The following RBFOX1 variants were observed in gnomAD, a reference collection of about 807,000 sequenced individuals.
RBFOX1 encodes RNA binding fox-1 homolog 1.
A neutral mutation model predicts 57.7 loss-of-function variants in RBFOX1; 8 were observed. The observed-to-expected ratio is 0.14, with a 90% CI of 0.08 to 0.25. RBFOX1 has a LOEUF of 0.25. RBFOX1 is among the 10% of genes least tolerant of loss of function. RBFOX1 has a pLI of 1.00. For missense variants in RBFOX1, 611 were observed against 548.5 expected, an observed-to-expected ratio of 1.11 and a Z score of -1.14; for synonymous variants, 326 against 222.4, an observed-to-expected ratio of 1.47 and a Z score of -4.15.
intron 4 of RBFOX1, among the ~76,000 whole-genome samples, chr16:5,869,733 C>G (rs915178242): frequency 6.6e-6 from 1 of 152,068 alleles, no homozygotes; most frequent in Non-Finnish European, 1.5e-5. Context: ...CCTCATTTTA[C>G]CTGTTGAAAA....
At chr16:7,388,715 A>G (rs2097928817) in intron 4 of RBFOX1, among the ~76,000 whole-genome samples, 1 of 119,114 alleles carries the variant, frequency 8.4e-6, no homozygotes, top group Non-Finnish European at 1.6e-5. Flanking sequence ...CACATTTGGT[A>G]TGGTATTCAA....
intron 2 of RBFOX1, among the ~76,000 whole-genome samples, chr16:5,547,716 A>G (rs1468747699): frequency 6.6e-6 from 1 of 152,190 alleles, no homozygotes; most frequent in African/African-American, 2.4e-5. Flanking sequence ...ACACAGCCGT[A>G]TCAAAGCACA....
chr16:7,343,094 C>T (rs1356164936), intron 4 of RBFOX1, among the ~76,000 whole-genome samples: 1 of 152,118 alleles, frequency 6.6e-6, no homozygotes, highest in Non-Finnish European at 1.5e-5. Context: ...CTTCTGGGGA[C>T]AGACTCTTTA....
rs1368082847 is a variant in RBFOX1, at chr16:6,110,346, G to A, written c.-127+90354G>A. Among the ~76,000 whole-genome samples the A allele has an allele frequency of 4.0e-5, 6 of 151,888 alleles. No homozygotes were observed. The East Asian group carries it at 1.2e-3, about 29-fold the overall frequency. On this transcript the variant is annotated intron_variant, in intron 1 of 15. Transcript: ENST00000550418. ...GGAAATTGATGATTGCTAGAGAATA[G>A]CACAGAATTCTAGGTAGGCACTGAA...
intron 2 of RBFOX1, among the ~76,000 whole-genome samples, chr16:5,534,531 T>C (rs908912611): frequency 6.6e-6 from 1 of 152,062 alleles, no homozygotes; most frequent in Admixed American, 6.5e-5. Flanking sequence ...GAACCTGGAG[T>C]ATCTGATGTG....
At chr16:5,896,533 C>T (rs746275207) in intron 4 of RBFOX1, among the ~76,000 whole-genome samples, 5 of 152,192 alleles carry the variant, frequency 3.3e-5, no homozygotes, top group Non-Finnish European at 1.5e-5. Context: ...CTGAGACTCT[C>T]ACCAGAAGCA....
At chr16:6,049,865 T>C (rs1256313704) in intron 1 of RBFOX1, among the ~76,000 whole-genome samples, 1 of 152,088 alleles carries the variant, frequency 6.6e-6, no homozygotes, top group Non-Finnish European at 1.5e-5. Flanking sequence ...GTTTGTTTAT[T>C]TGAAACAGGA....
chr16:5,342,204 C>A (rs558813570), intron 1 of RBFOX1, among the ~76,000 whole-genome samples: 1 of 152,180 alleles, frequency 6.6e-6, no homozygotes, highest in Non-Finnish European at 1.5e-5. Flanking sequence ...TACCTTTCAG[C>A]CTAGGGTGAC....
At chr16:5,340,747 A>G (rs1418766199) in intron 1 of RBFOX1, among the ~76,000 whole-genome samples, 1 of 152,226 alleles carries the variant, frequency 6.6e-6, no homozygotes, top group Non-Finnish European at 1.5e-5. Flanking sequence ...TATGCCAAGC[A>G]CTGTCCAAAA....
chr16:6,176,854 C>A (rs1461685565), intron 1 of RBFOX1, among the ~76,000 whole-genome samples: 1 of 152,112 alleles, frequency 6.6e-6, no homozygotes, highest in Non-Finnish European at 1.5e-5. Flanking sequence ...GCCTAAGTTG[C>A]CTCCAGCAAG....
chr16:6,696,745 G>A (rs1012359319), intron 3 of RBFOX1, among the ~76,000 whole-genome samples: 2 of 151,732 alleles, frequency 1.3e-5, no homozygotes, highest in Non-Finnish European at 2.9e-5. Context: ...AAAACCTTTC[G>A]AAATGCAGTT....
At chr16:5,304,847 A>G (rs2063894624) in intron 1 of RBFOX1, among the ~76,000 whole-genome samples, 1 of 152,134 alleles carries the variant, frequency 6.6e-6, no homozygotes, top group African/African-American at 2.4e-5. Context: ...TTTTCCCCCA[A>G]AACAATATAG....
intron 2 of RBFOX1, among the ~76,000 whole-genome samples, chr16:5,478,804 A>G (rs2450380): frequency 0.42 from 63,824 of 151,820 alleles, 14,435 homozygotes; most frequent in African/African-American, 0.59. Context: ...GAGGCAGGAG[A>G]GAAGAGGGCA....
chr16:6,622,692 G>T (rs1190695794), intron 2 of RBFOX1, among the ~76,000 whole-genome samples: 1 of 152,180 alleles, frequency 6.6e-6, no homozygotes, highest in Non-Finnish European at 1.5e-5. Flanking sequence ...TGAGCAATTT[G>T]TCCTTCTCTT....
chr16:6,899,744 C>A (rs529106570), intron 3 of RBFOX1, among the ~76,000 whole-genome samples: 25 of 152,168 alleles, frequency 1.6e-4, no homozygotes, highest in Non-Finnish European at 3.5e-4. Context: ...TTGTGCTGTC[C>A]CTCAACATTT....
rs117289315 is a variant in RBFOX1 at position 6,675,979 on chromosome 16, T to A, written c.-16+21329T>A. ...ACTTTGGACAAGCGTCAGCTTTACG[T>A]GGACACCAAGGGCGATGGGAGAGGA... On this transcript the variant is annotated intron_variant, in intron 3 of 15. Coordinates refer to ENST00000550418, the MANE Select transcript of RBFOX1 (RefSeq NM_018723.4). Among the ~76,000 whole-genome samples, 246 of 151,970 alleles carry A rather than the reference T, an allele frequency of 1.6e-3. No individual in the cohort carries two copies. In the East Asian group the frequency reaches 0.028, roughly 17 times the overall value.
At chr16:7,342,685 G>C (rs1057154680) in intron 4 of RBFOX1, among the ~76,000 whole-genome samples, 1 of 152,130 alleles carries the variant, frequency 6.6e-6, no homozygotes, top group African/African-American at 2.4e-5. Flanking sequence ...CAACTGGGGA[G>C]GTGGCGAAGG....
chr16:6,588,296 G>T (rs1480375031), intron 2 of RBFOX1, among the ~76,000 whole-genome samples: 1 of 151,702 alleles, frequency 6.6e-6, no homozygotes, highest in African/African-American at 2.4e-5. Context: ...TTTTAATGTA[G>T]ATACTAACTG....
At chr16:5,556,396 G>C (rs1354057892) in intron 2 of RBFOX1, among the ~76,000 whole-genome samples, 1 of 152,222 alleles carries the variant, frequency 6.6e-6, no homozygotes, top group Non-Finnish European at 1.5e-5. Flanking sequence ...TGAAATGCTA[G>C]TTTGTTCTAT....
Sources: gnomAD v4.1 joint callset for allele counts (sites outside exome capture counted in the v4.1 genomes callset) on GRCh38, gnomAD v4.1.1 for gene constraint, MANE v1.5 for transcripts, NCBI Gene and HGNC (gene_info 2026-07-23, HGNC 2026-07-21) for gene names.